Variants in TRPC6 observed in about 807,000 individuals in gnomAD.
The protein encoded by TRPC6 is transient receptor potential cation channel subfamily C member 6.
In TRPC6, 55 loss-of-function variants were observed where a neutral mutation model predicts 90.7. The observed-to-expected ratio is 0.61, with a 90% CI of 0.49 to 0.76. The LOEUF (loss-of-function observed/expected upper bound fraction) is 0.76. Ranked by LOEUF, TRPC6 falls within the 30% of genes least tolerant of loss-of-function variation. TRPC6 has a pLI of 0.00. For synonymous variants in TRPC6, 393 were observed against 393.0 expected (o/e 1.00, Z 0.00); for missense variants, 989 against 1,122.7 (o/e 0.88, Z 1.70).
intron 1 of TRPC6, among the ~76,000 whole-genome samples, chr11:101,507,929 G>A (rs1860311677): frequency 6.6e-6 from 1 of 151,902 alleles, no homozygotes; most frequent in Non-Finnish European, 1.5e-5. Context: ...TGGACATCCT[G>A]TAATTGTCCT....
Position 101,583,316 on chromosome 11 carries a change from C to A in TRPC6, c.170+18G>T, listed in dbSNP as rs1000246005. The A allele has an allele frequency of 6.4e-7, 1 of 1,566,812 alleles. No individual in the cohort carries two copies. ...CGCGCAGCCCGCGCCCGATCCGCCC[C>A]GCGTCGCCGGCACTCACAAGCAGGG... On this transcript the variant is annotated intron_variant, in intron 1 of 12. Transcript: ENST00000344327.
chr11:101,581,891 A>T (rs1462808343), intron 1 of TRPC6, among the ~76,000 whole-genome samples: 1 of 152,222 alleles, frequency 6.6e-6, no homozygotes. Flanking sequence ...CATGATTTGC[A>T]TGCTAGCCAT....
chr11:101,511,358 T>C (rs571791565), intron 1 of TRPC6, among the ~76,000 whole-genome samples: 9 of 152,238 alleles, frequency 5.9e-5, no homozygotes, highest in African/African-American at 2.2e-4. Context: ...TTTTGCCTTA[T>C]TCACACTGAA....
chr11:101,556,999 A>C (rs186657377), intron 1 of TRPC6, among the ~76,000 whole-genome samples: 1 of 152,304 alleles, frequency 6.6e-6, no homozygotes, highest in East Asian at 1.9e-4. Flanking sequence ...CATTTGACAA[A>C]ATTCAATATT....
In TRPC6 at chr11:101,583,472, C is replaced by G. The variant is rs995009898; in HGVS notation, c.32G>C (p.Arg11Thr). ...GGCAGCGCCCCGGGGAGAACTGCCC[C>G]TCCGGGGCCCGAACGCCGGGCTCTG... MSQSPAFGPR[R>T]GSSPRGAAGA... Residue 11 changes from arginine to threonine, a missense_variant, in exon 1 of 13, where the codon AGG becomes ACG. By Grantham distance (71) the Arg-to-Thr change is moderately conservative (BLOSUM62 -1). Coordinates refer to ENST00000344327, the MANE Select transcript of TRPC6 (RefSeq NM_004621.6). The G allele has an allele frequency of 2.0e-6, 3 of 1,517,298 alleles. No homozygotes were observed. In the African/African-American group the frequency reaches 4.2e-5, roughly 21 times the overall value. The allele number at this position is 1,517,298 out of a possible 1,614,324, so 94.0% of individuals were successfully genotyped here. A position where few individuals can be genotyped will look rare whatever the true frequency, so the allele number is the denominator to read the frequency against.
chr11:101,554,651 A>G (rs1316383379), intron 1 of TRPC6, among the ~76,000 whole-genome samples: 1 of 152,158 alleles, frequency 6.6e-6, no homozygotes, highest in Non-Finnish European at 1.5e-5. Context: ...AAGCCTCACT[A>G]TATTTCTTTC....
intron 1 of TRPC6, among the ~76,000 whole-genome samples, chr11:101,528,779 T>C (rs3924457): frequency 0.85 from 129,813 of 152,006 alleles, 56,167 homozygotes; most frequent in Non-Finnish European, 0.93. Flanking sequence ...TTGGGCCAAA[T>C]GGAATTTCAA....
At chr11:101,471,139 C>T (rs1330744090) in intron 9 of TRPC6, 44 bp downstream of exon 9, 1 of 1,600,688 alleles carries the variant, frequency 6.2e-7, no homozygotes, top group Non-Finnish European at 8.6e-7. Context: ...TTACAGTAGT[C>T]ACAAAATTTA....
At chr11:101,569,912 A>G (rs1428986355) in intron 1 of TRPC6, among the ~76,000 whole-genome samples, 1 of 152,186 alleles carries the variant, frequency 6.6e-6, no homozygotes, top group African/African-American at 2.4e-5. Flanking sequence ...CCACAAGAAA[A>G]AGCATAAGAG....
intron 1 of TRPC6, among the ~76,000 whole-genome samples, chr11:101,545,656 C>T (rs925903012): frequency 1.3e-5 from 2 of 152,178 alleles, no homozygotes; most frequent in Non-Finnish European, 2.9e-5. Flanking sequence ...AGATAAAACA[C>T]TCATCTGGAT....
chr11:101,497,862 A>T (rs959755944), intron 2 of TRPC6, among the ~76,000 whole-genome samples: 4 of 151,298 alleles, frequency 2.6e-5, no homozygotes, highest in African/African-American at 9.7e-5. Context: ...ATTGCCCCCC[A>T]CCCCCTGACA....
chr11:101,485,922 T>C (rs1022512712), intron 4 of TRPC6, among the ~76,000 whole-genome samples: 27 of 152,134 alleles, frequency 1.8e-4, no homozygotes, highest in African/African-American at 6.5e-4. Flanking sequence ...CTGATCTGTG[T>C]GCCTGGCCCC....
chr11:101,555,604 G>A (rs943868544), intron 1 of TRPC6, among the ~76,000 whole-genome samples: 2 of 152,128 alleles, frequency 1.3e-5, no homozygotes, highest in African/African-American at 2.4e-5. Flanking sequence ...AAGAAAGGAT[G>A]GTAGAAAAAC....
chr11:101,458,979 C>T (rs6590861), intron 10 of TRPC6, among the ~76,000 whole-genome samples: 46,999 of 152,054 alleles, frequency 0.31, 9,405 homozygotes, highest in African/African-American at 0.57. Flanking sequence ...AGTATGCATA[C>T]ACTAGGGCCA....
At chr11:101,564,109 T>C (rs779688569) in intron 1 of TRPC6, among the ~76,000 whole-genome samples, 9 of 152,204 alleles carry the variant, frequency 5.9e-5, no homozygotes, top group Non-Finnish European at 1.0e-4. Context: ...TAATGAGTTT[T>C]ATTATCTGTG....
chr11:101,483,000 T>A lies in TRPC6; in HGVS notation c.1459A>T (p.Lys487Ter). The A allele has an allele frequency of 6.2e-7, 1 of 1,614,092 alleles. No homozygotes were observed. The highest frequency in any genetic ancestry group is 8.5e-7 in the Non-Finnish European group (1 of 1,179,934). The change falls in exon 5 of 13, where the codon AAA (lysine) becomes TAA (stop). Residue 487 changes from lysine (K) to a stop codon, truncating the protein, a stop_gained. Coordinates refer to ENST00000344327, the MANE Select transcript of TRPC6 (RefSeq NM_004621.6). LOFTEE classifies it high-confidence loss of function. ...TCCATCCATGAGAAGCAGGATGTTT[T>A]CATCCTGAACAGCTGTTTTGCATTA... ...TDNAKQLFRM[K>*]TSCFSWMEML...
At chr11:101,495,008 G>C (rs1859910823) in intron 2 of TRPC6, among the ~76,000 whole-genome samples, 3 of 152,176 alleles carry the variant, frequency 2.0e-5, no homozygotes, top group Non-Finnish European at 2.9e-5. Flanking sequence ...TAGCTCATTA[G>C]CCAGAATGCA....
At chr11:101,540,514 T>C (rs570846598) in intron 1 of TRPC6, among the ~76,000 whole-genome samples, 152 of 152,378 alleles carry the variant, frequency 1.0e-3, no homozygotes, top group African/African-American at 3.6e-3. Context: ...TTGGAGTCTA[T>C]GGAATTTCAT....
chr11:101,466,457 T>G (rs552440023), intron 10 of TRPC6, among the ~76,000 whole-genome samples: 16 of 152,362 alleles, frequency 1.1e-4, no homozygotes, highest in African/African-American at 3.6e-4. Context: ...TGAGCTGCAG[T>G]GGGCTCTGCC....
Sources: allele counts gnomAD v4.1 joint callset (sites outside exome capture counted in the v4.1 genomes callset), GRCh38; gene constraint gnomAD v4.1.1; transcripts MANE v1.5; gene names NCBI Gene and HGNC (gene_info 2026-07-23, HGNC 2026-07-21).